Variants in DNAH9 observed in about 807,000 individuals in gnomAD.
The protein encoded by DNAH9 is dynein axonemal heavy chain 9.
In DNAH9, 345 loss-of-function variants were observed where a neutral mutation model predicts 471.6. The observed-to-expected ratio is 0.73, with a 90% CI of 0.67 to 0.80. The LOEUF is 0.80. Among genes scored for constraint, DNAH9 ranks in the 30% least tolerant of loss-of-function variants. The pLI is 0.00. For missense variants in DNAH9, 5,407 were observed against 5,609.2 expected (o/e 0.96, Z 1.15); for synonymous variants, 2,093 against 2,123.6 (o/e 0.99, Z 0.40).
At position 11,784,354 on chromosome 17, in the gene DNAH9, A is replaced by G; in HGVS notation, c.7876A>G (p.Ile2626Val). 2.5e-6 allele frequency: 4 copies of G among 1,614,116 alleles called. No homozygotes were observed. Among genetic ancestry groups the G allele is most frequent in the Non-Finnish European group, 3.4e-6 (4 of 1,180,010 alleles). Residue 2626 changes from isoleucine (I) to valine (V), a missense_variant, in exon 41 of 69, where the codon ATC becomes GTC. Physicochemically the swap from Ile to Val is conservative, Grantham distance 29 (BLOSUM62 3). Coordinates refer to ENST00000262442, the MANE Select transcript of DNAH9 (RefSeq NM_001372.4). ...SFPGADALSS[I>V]YSIILTQHLK... ...CCCGGGGGCAGATGCCCTGTCCTCT[A>G]TCTACAGCATCATCCTCACTCAGCA...
In DNAH9 at chr17:11,962,756, C is replaced by T. The variant is rs1976330164; in HGVS notation, c.13233+500C>T. ...TTAGCTCACTGCAACCTCCGCCTCC[C>T]GAGTTCAAGCAATTCTCCTGCCTCA... On this transcript the variant is annotated intron_variant, in intron 68 of 68. Transcript: ENST00000262442. The surrounding 1 kb of genome is among the most constrained non-coding windows in gnomAD (Gnocchi z 4.1). Among the ~76,000 whole-genome samples the T allele has an allele frequency of 6.6e-6, 1 of 152,058 alleles. No homozygotes were observed. The highest frequency in any genetic ancestry group is 1.5e-5 in the Non-Finnish European group (1 of 67,998).
intron 33 of DNAH9, among the ~76,000 whole-genome samples, chr17:11,753,767 A>G (rs1217735934): frequency 6.6e-6 from 1 of 152,132 alleles, no homozygotes; most frequent in African/African-American, 2.4e-5. Context: ...CGTTTACAGG[A>G]TTGTTAGAAT....
chr17:11,731,171 TAAC>T (rs201615470), intron 28 of DNAH9, among the ~76,000 whole-genome samples: 3,314 of 151,982 alleles, frequency 0.022, 119 homozygotes, highest in African/African-American at 0.075. Context: ...ATTATAATGT[TAAC>T]AATGATGGTG....
At chr17:11,693,237 CTTTTT>C (rs776422086) in intron 20 of DNAH9, among the ~76,000 whole-genome samples, 9 of 77,432 alleles carry the variant, frequency 1.2e-4, no homozygotes, top group African/African-American at 5.1e-4. Flanking sequence ...TTAAAATGCC[CTTTTT>C]TTTTTTTTTT....
At chr17:11,670,529 C>T (rs1247040950) in intron 17 of DNAH9, among the ~76,000 whole-genome samples, 2 of 152,142 alleles carry the variant, frequency 1.3e-5, no homozygotes, top group African/African-American at 4.8e-5. Flanking sequence ...CTGACCCCCT[C>T]CTCAGTTTAG....
rs200383972 is a variant in DNAH9, at chr17:11,617,458, C to T, written c.952C>T (p.Arg318Cys). 81 of 1,614,152 alleles carry T rather than the reference C, an allele frequency of 5.0e-5. 1 individual carries two copies. The highest frequency in any genetic ancestry group is 4.9e-4 in the Middle Eastern group (3 of 6,062). The stretch of plus-strand genomic sequence containing the variant: ...CCATGTGCACCTGATACCGCTCCAG[C>T]GCCACCTGGAAGCTCTGGAGAATGC... Reference protein sequence around the residue: ...DIHVHLIPLQRHLEALENAEF... With the variant: ...DIHVHLIPLQCHLEALENAEF... The change falls in exon 5 of 69, where the codon CGC (arginine) becomes TGC (cysteine). Residue 318 changes from arginine (R) to cysteine (C), a missense_variant. Transcript: ENST00000262442.
At chr17:11,624,458 G>A (rs781083943) in intron 6 of DNAH9, among the ~76,000 whole-genome samples, 23 of 152,062 alleles carry the variant, frequency 1.5e-4, no homozygotes, top group African/African-American at 3.4e-4. Flanking sequence ...GTAGTGAGCC[G>A]AGATCGTGCC....
chr17:11,931,559 C>T (rs898356235), intron 63 of DNAH9, among the ~76,000 whole-genome samples: 1 of 152,060 alleles, frequency 6.6e-6, no homozygotes, highest in Non-Finnish European at 1.5e-5. Flanking sequence ...ACATTCAGTA[C>T]CCCCTGTACT....
chr17:11,875,026 C>A lies in DNAH9; in HGVS notation c.10320C>A (p.Asn3440Lys). Reference protein sequence around the residue: ...MDDADVAAWQNEGLPADRMSV... With the variant: ...MDDADVAAWQKEGLPADRMSV... ...ATGCTGACGTGGCTGCCTGGCAGAA[C>A]GAGGGCCTCCCAGCCGACCGCATGT... Residue 3440 changes from asparagine (N) to lysine (K), a missense_variant, in exon 53 of 69, where the codon AAC becomes AAA. By Grantham distance (94) the Asn-to-Lys change is moderately conservative. This residue lies in a region of DNAH9 where 4,636 missense variants were observed against 4,900.3 expected (regional missense o/e 0.95). Coordinates refer to ENST00000262442, the MANE Select transcript of DNAH9 (RefSeq NM_001372.4). 1 of 1,614,096 alleles carries A rather than the reference C, an allele frequency of 6.2e-7. No individual in the cohort carries two copies. The highest frequency in any genetic ancestry group is 8.5e-7 in the Non-Finnish European group (1 of 1,180,022).
chr17:11,646,190 T>G (rs2073386369), intron 11 of DNAH9, among the ~76,000 whole-genome samples: 1 of 151,792 alleles, frequency 6.6e-6, no homozygotes, highest in African/African-American at 2.4e-5. Flanking sequence ...ATTTTTTTTT[T>G]GTATTTTGAG....
At chr17:11,919,754 TG>T (rs564488430) in intron 61 of DNAH9, among the ~76,000 whole-genome samples, 38 of 152,058 alleles carry the variant, frequency 2.5e-4, no homozygotes, top group Non-Finnish European at 5.0e-4. Flanking sequence ...GTTGAGGACT[TG>T]GGCTCAAATT....
chr17:11,665,039 G>T, intron 15 of DNAH9, 71 bp downstream of exon 15: 1 of 1,404,398 alleles, frequency 7.1e-7, no homozygotes, highest in South Asian at 1.2e-5. Flanking sequence ...GAATTATATT[G>T]AAGAGCAGCT....
At chr17:11,761,599 T>A (rs1967668482) in intron 35 of DNAH9, among the ~76,000 whole-genome samples, 1 of 152,098 alleles carries the variant, frequency 6.6e-6, no homozygotes, top group Admixed American at 6.6e-5. Context: ...ACACCTGGAT[T>A]CCAGGAGATG....
Position 11,963,108 on chromosome 17 carries a change from T to C in DNAH9, c.13233+852T>C, listed in dbSNP as rs1976371330. 2.0e-5 allele frequency among the ~76,000 whole-genome samples: 3 copies of C among 150,520 alleles called. 1 individual carries two copies. Among genetic ancestry groups the C allele is most frequent in the South Asian group, 4.2e-4 (2 of 4,714 alleles). On this transcript the variant is annotated intron_variant, in intron 68 of 68. Coordinates refer to ENST00000262442, the MANE Select transcript of DNAH9 (RefSeq NM_001372.4). The stretch of plus-strand genomic sequence containing the variant: ...ATGATGAGGTCATACTGGATTATCA[T>C]GAACCCTAAATCCAATGACCAGTGC...
chr17:11,650,824 C>A (rs1252188859), intron 12 of DNAH9, among the ~76,000 whole-genome samples: 1 of 152,208 alleles, frequency 6.6e-6, no homozygotes, highest in Non-Finnish European at 1.5e-5. Context: ...TGTCTCTGTT[C>A]TCAGGTTTTC....
At chr17:11,705,709 A>G (rs1195628517) in intron 26 of DNAH9, among the ~76,000 whole-genome samples, 1 of 152,206 alleles carries the variant, frequency 6.6e-6, no homozygotes, top group Admixed American at 6.5e-5. Context: ...TGTATATTTC[A>G]TAGTAGCTAG....
At chr17:11,883,922 G>T (rs563399991) in intron 56 of DNAH9, among the ~76,000 whole-genome samples, 172 bp downstream of exon 56, 1 of 152,230 alleles carries the variant, frequency 6.6e-6, no homozygotes, top group East Asian at 1.9e-4. Flanking sequence ...CTCCTGAAGT[G>T]ACTACCCCAT....
At chr17:11,929,779 C>T (rs145507845) in intron 62 of DNAH9, 87 bp from the exon 63 acceptor site, 2 of 1,106,348 alleles carry the variant, frequency 1.8e-6, no homozygotes, top group Non-Finnish European at 2.6e-6. Flanking sequence ...ACCAGTCCCC[C>T]CTCTGGCTGC....
intron 17 of DNAH9, among the ~76,000 whole-genome samples, chr17:11,675,750 G>A (rs1033150533): frequency 6.6e-6 from 1 of 152,072 alleles, no homozygotes; most frequent in African/African-American, 2.4e-5. Context: ...GGCTTCTAAT[G>A]TTAAAACAAC....
Sources: allele counts gnomAD v4.1 joint callset (sites outside exome capture counted in the v4.1 genomes callset), GRCh38; gene constraint gnomAD v4.1.1; regional missense constraint gnomAD v4.1.1; non-coding constraint Gnocchi (gnomAD v3.1); transcripts MANE v1.5; gene names NCBI Gene and HGNC (gene_info 2026-07-23, HGNC 2026-07-21).